KCNN3: variants seen among roughly 807,000 people sequenced by gnomAD.
KCNN3 encodes the protein potassium calcium-activated channel subfamily N member 3.
KCNN3 carries 16 observed loss-of-function variants against 62.9 expected under a neutral mutation model. That is an observed-to-expected ratio of 0.25 (90% CI 0.17 to 0.39). KCNN3 has a LOEUF of 0.39. KCNN3 is among the 10% of genes least tolerant of loss of function. KCNN3 has a pLI of 1.00. For missense variants in KCNN3, 599 were observed against 949.4 expected, an observed-to-expected ratio of 0.63 and a Z score of 4.85; for synonymous variants, 370 against 389.2, an observed-to-expected ratio of 0.95 and a Z score of 0.58.
At chr1:154,804,411 G>A (rs1405789835) in intron 2 of KCNN3, among the ~76,000 whole-genome samples, 1 of 152,242 alleles carries the variant, frequency 6.6e-6, no homozygotes, top group Non-Finnish European at 1.5e-5. Flanking sequence ...CACGACCATG[G>A]TGAATCCCCA....
intron 1 of KCNN3, among the ~76,000 whole-genome samples, chr1:154,825,567 C>T (rs1423061035): frequency 2.6e-5 from 4 of 151,334 alleles, no homozygotes; most frequent in Admixed American, 6.6e-5. Flanking sequence ...GGGGTTTCAC[C>T]GTGTTAGCCA....
chr1:154,778,012 G>C (rs988205333), intron 2 of KCNN3, among the ~76,000 whole-genome samples: 3 of 152,220 alleles, frequency 2.0e-5, no homozygotes, highest in Admixed American at 6.5e-5. Flanking sequence ...TTCACTCATT[G>C]AGGGTATGAC....
intron 2 of KCNN3, among the ~76,000 whole-genome samples, chr1:154,792,867 T>C (rs1346214828): frequency 6.6e-6 from 1 of 152,212 alleles, no homozygotes. Flanking sequence ...TTTGATTTTT[T>C]TTCTATCCCT....
At chr1:154,808,939 C>T (rs978277693) in intron 2 of KCNN3, among the ~76,000 whole-genome samples, 2 of 152,194 alleles carry the variant, frequency 1.3e-5, no homozygotes, top group Non-Finnish European at 2.9e-5. Flanking sequence ...TGTCGGGCGG[C>T]TCCCGCAGAG....
chr1:154,867,105 G>A (rs1175229864), intron 1 of KCNN3, among the ~76,000 whole-genome samples: 10 of 152,112 alleles, frequency 6.6e-5, no homozygotes, highest in Admixed American at 5.9e-4. Context: ...CTTGCATTTG[G>A]GCCTTCATCA....
At chr1:154,868,613 G>A (rs988255642) in intron 1 of KCNN3, among the ~76,000 whole-genome samples, 1 of 151,666 alleles carries the variant, frequency 6.6e-6, no homozygotes, top group Non-Finnish European at 1.5e-5. Flanking sequence ...ACATGAAGGC[G>A]GAGTGTAATT....
At chr1:154,853,395 G>C (rs1652383327) in intron 1 of KCNN3, among the ~76,000 whole-genome samples, 1 of 152,144 alleles carries the variant, frequency 6.6e-6, no homozygotes, top group Non-Finnish European at 1.5e-5. Context: ...GAGTGCAGTG[G>C]CACGATCACA....
intron 3 of KCNN3, among the ~76,000 whole-genome samples, chr1:154,741,842 C>T (rs1700827780): frequency 1.3e-5 from 2 of 152,222 alleles, no homozygotes; most frequent in Non-Finnish European, 2.9e-5. Context: ...AACTCCAAAG[C>T]AGCCAAATGG....
At chr1:154,779,912 C>T (rs1648951771) in intron 2 of KCNN3, among the ~76,000 whole-genome samples, 1 of 152,176 alleles carries the variant, frequency 6.6e-6, no homozygotes, top group Non-Finnish European at 1.5e-5. Context: ...TCAGGGAGTC[C>T]AGGTCTGACC....
chr1:154,720,541 T>G lies in KCNN3; in HGVS notation c.1701+5375A>C, dbSNP rs1025751662. Among the ~76,000 whole-genome samples, 7 of 151,988 alleles carry G rather than the reference T, an allele frequency of 4.6e-5. 1 individual carries two copies. In the East Asian group the frequency reaches 1.4e-3, roughly 29 times the overall value. On this transcript the variant is annotated intron_variant, in intron 5 of 7. Transcript: ENST00000271915. ...CATTGTTTTTCCTACGAAATACCAC[T>G]ACTAAGAGTAATCTTTGAATTAGCC...
At chr1:154,720,606 C>T (rs1000758326) in intron 5 of KCNN3, among the ~76,000 whole-genome samples, 1 of 152,212 alleles carries the variant, frequency 6.6e-6, no homozygotes, top group Non-Finnish European at 1.5e-5. Flanking sequence ...TATGATCAAA[C>T]TTTGGCATAT....
At chr1:154,829,285 C>A (rs544925568) in intron 1 of KCNN3, among the ~76,000 whole-genome samples, 1 of 152,330 alleles carries the variant, frequency 6.6e-6, no homozygotes, top group South Asian at 2.1e-4. Flanking sequence ...AGAAAACCCA[C>A]AAGTGGTTCC....
chr1:154,863,729 A>C (rs921938206), intron 1 of KCNN3, among the ~76,000 whole-genome samples: 58 of 152,234 alleles, frequency 3.8e-4, no homozygotes, highest in African/African-American at 1.3e-3. Context: ...CAATAAGAGA[A>C]ATACGAGGCA....
Position 154,726,041 on chromosome 1 carries a change from C to T in KCNN3, c.1591-15G>A. The T allele has an allele frequency of 6.3e-7, 1 of 1,591,290 alleles. No individual in the cohort carries two copies. The highest frequency in any genetic ancestry group is 8.6e-7 in the Non-Finnish European group (1 of 1,160,018). On this transcript the variant is annotated splice_polypyrimidine_tract_variant and intron_variant, in intron 4 of 7. Transcript: ENST00000271915. ...CAGCCTGCACCCTGCGGGGGGACATCAAGAGGACCAGAGGGGAAAGAACAT... is the reference window on the plus strand; with the variant it reads ...CAGCCTGCACCCTGCGGGGGGACATTAAGAGGACCAGAGGGGAAAGAACAT...
intron 1 of KCNN3, among the ~76,000 whole-genome samples, chr1:154,825,996 C>T (rs1223013862): frequency 4.0e-5 from 6 of 148,378 alleles, no homozygotes; most frequent in Admixed American, 6.8e-5. Flanking sequence ...TGCAGTGAGC[C>T]GAGACAGTGC....
intron 3 of KCNN3, among the ~76,000 whole-genome samples, chr1:154,771,087 A>G (rs1648538402): frequency 6.6e-6 from 1 of 150,388 alleles, no homozygotes; most frequent in South Asian, 2.1e-4. Flanking sequence ...AAATAAATAA[A>G]TAAATAAATA....
chr1:154,855,283 G>GA (rs1342442621), intron 1 of KCNN3, among the ~76,000 whole-genome samples: 2 of 151,886 alleles, frequency 1.3e-5, no homozygotes, highest in Non-Finnish European at 2.9e-5. Context: ...TGTTATTGAA[G>GA]AAAAAAATAT....
At chr1:154,720,388 C>G (rs1271798390) in intron 5 of KCNN3, among the ~76,000 whole-genome samples, 1 of 152,224 alleles carries the variant, frequency 6.6e-6, no homozygotes, top group Non-Finnish European at 1.5e-5. Context: ...CTGATAACTG[C>G]CCTATTGATT....
chr1:154,729,811 C>A (rs574856578), intron 4 of KCNN3, among the ~76,000 whole-genome samples: 1 of 152,274 alleles, frequency 6.6e-6, no homozygotes, highest in African/African-American at 2.4e-5. Context: ...TGCCTCCTCC[C>A]GAAATGACTC....
Sources: gnomAD v4.1 joint callset for allele counts (sites outside exome capture counted in the v4.1 genomes callset) on GRCh38, gnomAD v4.1.1 for gene constraint, MANE v1.5 for transcripts, NCBI Gene and HGNC (gene_info 2026-07-23, HGNC 2026-07-21) for gene names.